Variants in CD2 observed in about 807,000 individuals in gnomAD.
CD2 encodes T-cell surface antigen CD2.
A neutral mutation model predicts 23.2 loss-of-function variants in CD2; 18 were observed. The ratio of observed to expected loss-of-function variants is 0.77; its 90% confidence interval spans 0.54 to 1.15. The LOEUF is 1.15. Ranked by LOEUF, CD2 falls within the 50% of genes most tolerant of loss-of-function variation. The probability of loss-of-function intolerance (pLI) is 0.00; values close to 1 mark genes in which losing one functional copy is unlikely to be tolerated. For synonymous variants in CD2, 162 were observed against 151.9 expected, an observed-to-expected ratio of 1.07 and a Z score of -0.49; for missense variants, 424 against 423.1, an observed-to-expected ratio of 1.00 and a Z score of -0.02.
At chr1:116,760,778 C>T (rs3136705) in intron 3 of CD2, 146 bp downstream of exon 3, 89,702 of 663,100 alleles carry the variant, frequency 0.14, 6,944 homozygotes, top group Middle Eastern at 0.2. Context: ...TCCTGGAAAC[C>T]TTCAAGGGAA....
chr1:116,768,362 C>T, intron 4 of CD2, 102 bp from the exon 5 acceptor site: 2 of 1,115,548 alleles, frequency 1.8e-6, no homozygotes, highest in Non-Finnish European at 2.6e-6. Flanking sequence ...TCATTGCATC[C>T]CCCAAAGCAG....
chr1:116,754,617 T>C lies in CD2; in HGVS notation c.62-14T>C. ...CCTGAAAGTGACTCTCAGTAACTCT[T>C]TTGCTTTTTATAGGTGCAGTCTCCA... On this transcript the variant is annotated splice_polypyrimidine_tract_variant and intron_variant, in intron 1 of 4. Transcript: ENST00000369478. 1 of 1,608,312 alleles carries C rather than the reference T, an allele frequency of 6.2e-7. No individual in the cohort carries two copies. Among genetic ancestry groups the C allele is most frequent in the Non-Finnish European group, 8.5e-7 (1 of 1,178,286 alleles).
chr1:116,763,497 C>T (rs1652118975), intron 3 of CD2, among the ~76,000 whole-genome samples: 1 of 152,210 alleles, frequency 6.6e-6, no homozygotes, highest in Admixed American at 6.5e-5. Context: ...CCTAGAACCC[C>T]TCCTGTTTCC....
At chr1:116,761,771 C>G (rs1652062406) in intron 3 of CD2, among the ~76,000 whole-genome samples, 1 of 152,196 alleles carries the variant, frequency 6.6e-6, no homozygotes, top group South Asian at 2.1e-4. Flanking sequence ...GGTTTTCCCA[C>G]CAGTCATCCT....
intron 1 of CD2, 38 bp downstream of exon 1, chr1:116,754,591 C>A: frequency 6.2e-7 from 1 of 1,609,608 alleles, no homozygotes; most frequent in South Asian, 1.1e-5. Context: ...ACCCAGCTTT[C>A]CCTGAAAGTG....
At chr1:116,758,780 G>C (rs1486443364) in intron 2 of CD2, among the ~76,000 whole-genome samples, 1 of 152,098 alleles carries the variant, frequency 6.6e-6, no homozygotes, top group Non-Finnish European at 1.5e-5. Flanking sequence ...TTGCTTACAT[G>C]ATCTTATTTA....
At chr1:116,756,996 T>C (rs1651872979) in intron 2 of CD2, among the ~76,000 whole-genome samples, 1 of 151,476 alleles carries the variant, frequency 6.6e-6, no homozygotes, top group South Asian at 2.1e-4. Flanking sequence ...CTTCTCTTTT[T>C]TTTTTTTTTT....
intron 3 of CD2, 34 bp from the exon 4 acceptor site, chr1:116,764,450 C>A (rs1652151412): frequency 1.2e-6 from 2 of 1,609,466 alleles, no homozygotes; most frequent in South Asian, 1.1e-5. Context: ...TGCCTGGACC[C>A]CTCCCAGCCA....
intron 3 of CD2, among the ~76,000 whole-genome samples, chr1:116,762,490 A>C (rs1487603147): frequency 1.3e-5 from 2 of 152,170 alleles, no homozygotes; most frequent in Non-Finnish European, 2.9e-5. Context: ...GGGAGAGATT[A>C]GGGTGGAGGA....
At chr1:116,759,835 C>G (rs1651982162) in intron 2 of CD2, among the ~76,000 whole-genome samples, 1 of 152,208 alleles carries the variant, frequency 6.6e-6, no homozygotes, top group South Asian at 2.1e-4. Context: ...CACACACTCA[C>G]ATATACCCAC....
At chr1:116,761,212 A>G (rs928039420) in intron 3 of CD2, among the ~76,000 whole-genome samples, 5 of 152,208 alleles carry the variant, frequency 3.3e-5, no homozygotes, top group South Asian at 2.1e-4. Context: ...CTCCAAGACC[A>G]TAATGGATCC....
In CD2 at chr1:116,760,651, T is replaced by C. The variant is rs367621065; in HGVS notation, c.613+19T>C. 1.9e-6 allele frequency: 3 copies of C among 1,596,240 alleles called. No homozygotes were observed. Among genetic ancestry groups the C allele is most frequent in the Non-Finnish European group, 2.6e-6 (3 of 1,164,250 alleles). On this transcript the variant is annotated intron_variant, in intron 3 of 4. Coordinates refer to ENST00000369478, the MANE Select transcript of CD2 (RefSeq NM_001767.5). ...TGTCCAGGTGCGTGGCGGGCATCAC[T>C]TCACAAACACAGCCTGCCAGGCCCT...
At chr1:116,755,599 G>A (rs1651817089) in intron 2 of CD2, among the ~76,000 whole-genome samples, 1 of 152,172 alleles carries the variant, frequency 6.6e-6, no homozygotes, top group African/African-American at 2.4e-5. Flanking sequence ...TTAGAAAGCT[G>A]CTGCTGTAAT....
intron 4 of CD2, 60 bp downstream of exon 4, chr1:116,764,666 A>C (rs761095734): frequency 7.5e-4 from 939 of 1,255,676 alleles, no homozygotes; most frequent in Non-Finnish European, 1.0e-3. Flanking sequence ...GAAACAGCTC[A>C]TGGGGATGAC....
intron 3 of CD2, among the ~76,000 whole-genome samples, chr1:116,760,976 G>A (rs926557739): frequency 6.6e-6 from 1 of 152,174 alleles, no homozygotes; most frequent in African/African-American, 2.4e-5. Context: ...CTTGCCCAAG[G>A]TCCCTTGGCT....
chr1:116,756,188 G>C (rs1044631820), intron 2 of CD2, among the ~76,000 whole-genome samples: 3 of 152,128 alleles, frequency 2.0e-5, no homozygotes, highest in African/African-American at 7.2e-5. Context: ...TTGTAGAAAT[G>C]TAGTGGGGTT....
At position 116,768,636 on chromosome 1, in the gene CD2, T is replaced by G; in HGVS notation, c.909T>G (p.Arg303=). The change falls in exon 5 of 5, where the codon CGT becomes CGG. Residue 303 remains arginine, a synonymous_variant. Coordinates refer to ENST00000369478, the MANE Select transcript of CD2 (RefSeq NM_001767.5). ...ATCGTCCCCCGCCTCCTGGACACCG[T>G]GTTCAGCACCAGCCTCAGAAGAGGC... The part of the protein sequence containing the change: ...PSHRPPPPGH[R]VQHQPQKRPP... 1 of 1,614,082 alleles carries G rather than the reference T, an allele frequency of 6.2e-7. No homozygotes were observed. The highest frequency in any genetic ancestry group is 8.5e-7 in the Non-Finnish European group (1 of 1,180,030).
chr1:116,764,655 T>C (rs947238436), intron 4 of CD2, 49 bp downstream of exon 4: 1 of 1,391,272 alleles, frequency 7.2e-7, no homozygotes, highest in Non-Finnish European at 1.0e-6. Context: ...AAAATCCCCA[T>C]GAAACAGCTC....
intron 2 of CD2, among the ~76,000 whole-genome samples, chr1:116,759,247 T>C (rs1408703639): frequency 6.6e-6 from 1 of 152,208 alleles, no homozygotes; most frequent in Non-Finnish European, 1.5e-5. Flanking sequence ...AATTTCTGCA[T>C]GCCTATATAT....
Sources: allele counts gnomAD v4.1 joint callset (sites outside exome capture counted in the v4.1 genomes callset), GRCh38; gene constraint gnomAD v4.1.1; transcripts MANE v1.5; gene names NCBI Gene and HGNC (gene_info 2026-07-23, HGNC 2026-07-21).